CIZ1: variants seen among roughly 807,000 people sequenced by gnomAD.
CIZ1 encodes the protein cip1-interacting zinc finger protein.
Under a neutral mutation model 118.6 loss-of-function variants are expected in CIZ1, and 58 were observed. That is an observed-to-expected ratio of 0.49 (90% confidence interval 0.40 to 0.61). The LOEUF (loss-of-function observed/expected upper bound fraction) is 0.61, where lower values mean the gene tolerates loss of function less well. Among genes scored for constraint, CIZ1 ranks in the 20% least tolerant of loss-of-function variants. The probability of loss-of-function intolerance (pLI) is 0.00; values close to 1 mark genes in which losing one functional copy is unlikely to be tolerated. For missense variants in CIZ1, 921 were observed against 1,115.9 expected (o/e 0.83, Z 2.49); for synonymous variants, 448 against 443.4 (o/e 1.01, Z -0.13).
intron 7 of CIZ1, among the ~76,000 whole-genome samples, chr9:128,179,796 C>T (rs148667359): frequency 4.6e-5 from 7 of 152,086 alleles, no homozygotes; most frequent in East Asian, 1.9e-4. Context: ...CCTCAGCCTC[C>T]GGAGTAGCTG....
At chr9:128,192,755 C>G (rs2131037208), upstream of CIZ1, among the ~76,000 whole-genome samples, 1 of 152,316 alleles carries the variant, frequency 6.6e-6, no homozygotes, top group African/African-American at 2.4e-5. Context: ...GTTGGTCAGG[C>G]TAGTCTCGAA....
chr9:128,188,049 CAAA>C lies in CIZ1; in HGVS notation c.287-118_287-116del, dbSNP rs34003070. On this transcript the variant is annotated intron_variant, in intron 3 of 16. Transcript: ENST00000372938. ...TTCATCCCAGGGTTACTTAAAACAG[CAAA>C]AAAAAAAAAAAAACCCAAAACAAAA... 8 of 22,338 alleles carry C rather than the reference CAAA, an allele frequency of 3.6e-4. No individual in the cohort carries two copies. The East Asian group carries it at 8.2e-3, about 23-fold the overall frequency. The allele number at this position is 22,338 out of a possible 1,614,324, so 1.4% of individuals were successfully genotyped here. A position where few individuals can be genotyped will look rare whatever the true frequency, so the allele number is the denominator to read the frequency against.
intron 5 of CIZ1, among the ~76,000 whole-genome samples, chr9:128,184,061 C>A (rs7040153): frequency 0.33 from 49,840 of 152,144 alleles, 8,630 homozygotes; most frequent in African/African-American, 0.41. Flanking sequence ...AGCCACTGCA[C>A]CCAGCAATTT....
rs779812657 is a variant in CIZ1 at position 128,179,048 on chromosome 9, C to T, written c.1159G>A (p.Gly387Ser). 2 of 1,612,510 alleles carry T rather than the reference C, an allele frequency of 1.2e-6. No individual in the cohort carries two copies. The highest frequency in any genetic ancestry group is 2.2e-5 in the South Asian group (2 of 91,014). ...TGCTGCAGCTGCACCTGCCTTGGGCCCTGTGAATGTGCCTGTGGCTGTACC... is the reference window on the plus strand; with the variant it reads ...TGCTGCAGCTGCACCTGCCTTGGGCTCTGTGAATGTGCCTGTGGCTGTACC... Reference protein sequence around the residue: ...PQVQPQAHSQGPRQVQLQQEA... With the variant: ...PQVQPQAHSQSPRQVQLQQEA... The change falls in exon 8 of 17, where the codon GGC becomes AGC. Residue 387 changes from glycine (G) to serine (S), a missense_variant. Physicochemically the swap from Gly to Ser is moderately conservative, Grantham distance 56. Transcript: ENST00000372938.
At position 128,191,147 on chromosome 9, in the gene CIZ1, C is replaced by T. The variant is rs1015230970; in HGVS notation, c.-6+285G>A. 2 of 513,948 alleles carry T rather than the reference C, an allele frequency of 3.9e-6. No homozygotes were observed. Among genetic ancestry groups the T allele is most frequent in the Non-Finnish European group, 6.9e-6 (2 of 291,920 alleles). The allele number at this position is 513,948 out of a possible 1,614,324, so 31.8% of individuals were successfully genotyped here. A position where few individuals can be genotyped will look rare whatever the true frequency, so the allele number is the denominator to read the frequency against. ...CCCTCCATCTCTCCATTTCTGGCGG[C>T]TCCATCCTCCCACCCTCAGCCTCAG... On this transcript the variant is annotated intron_variant, in intron 1 of 16. Transcript: ENST00000372938. This position sits in a 1 kb window ranked among gnomAD's most constrained non-coding sequence, Gnocchi z 5.5.
In CIZ1 at chr9:128,185,636, C is replaced by A; in HGVS notation, c.499G>T (p.Val167Phe). ...QSLLGPPPVG[V>F]PMNPSQFNLS... ...TTGAACTGGGAAGGGTTCATGGGGA[C>A]CCCAACAGGAGGAGGTCCCAGCAAG... Residue 167 changes from valine to phenylalanine, a missense_variant, in exon 5 of 17, where the codon GTC (valine) becomes TTC (phenylalanine). By Grantham distance (50) the Val-to-Phe change is conservative (BLOSUM62 -1). Coordinates refer to ENST00000372938, the MANE Select transcript of CIZ1 (RefSeq NM_001131016.2). 6.3e-7 allele frequency: 1 copy of A among 1,574,992 alleles called. No homozygotes were observed. Among genetic ancestry groups the A allele is most frequent in the Non-Finnish European group, 8.6e-7 (1 of 1,160,034 alleles).
At chr9:128,180,018 T>C (rs574345884) in intron 7 of CIZ1, among the ~76,000 whole-genome samples, 9 of 152,246 alleles carry the variant, frequency 5.9e-5, no homozygotes, top group Non-Finnish European at 1.2e-4. Context: ...AGGCTGGGGA[T>C]TTGGGCAAAC....
At position 128,177,724 on chromosome 9, in the gene CIZ1, G is replaced by A; in HGVS notation, c.1660C>T (p.Gln554Ter). 1 of 1,607,128 alleles carries A rather than the reference G, an allele frequency of 6.2e-7. No individual in the cohort carries two copies. The highest frequency in any genetic ancestry group is 8.5e-7 in the Non-Finnish European group (1 of 1,176,964). ...CTAAAGGCCCGGCTGTCACTGCTCT[G>A]CAGAATGGTGACCTTCAGGGAGCCC... ...AGGSLKVTIL[Q>*]SSDSRAFSTV... Residue 554 changes from glutamine (Q) to a stop codon, truncating the protein, a stop_gained, in exon 10 of 17, where the codon CAG becomes TAG. Transcript: ENST00000372938. LOFTEE classifies it high-confidence loss of function.
chr9:128,184,742 A>G (rs1832132083), intron 5 of CIZ1, among the ~76,000 whole-genome samples: 1 of 152,042 alleles, frequency 6.6e-6, no homozygotes, highest in Non-Finnish European at 1.5e-5. Context: ...ATCTTGGCTC[A>G]CTGCAAGCTC....
chr9:128,177,528 G>GCGCCCCC, intron 10 of CIZ1, 38 bp downstream of exon 10: 1 of 1,164,646 alleles, frequency 8.6e-7, no homozygotes. Flanking sequence ...TTCCACGCAG[G>GCGCCCCC]CCCCACCCCT....
intron 5 of CIZ1, 130 bp downstream of exon 5, chr9:128,185,417 A>G (rs1158359561): frequency 2.0e-6 from 1 of 502,536 alleles, no homozygotes; most frequent in Non-Finnish European, 3.5e-6. Context: ...CCCTCATTTT[A>G]CAGATGAGGA....
chr9:128,183,876 C>T (rs1338625978), intron 5 of CIZ1, among the ~76,000 whole-genome samples: 1 of 152,128 alleles, frequency 6.6e-6, no homozygotes, highest in Non-Finnish European at 1.5e-5. Context: ...AGTGATTCTC[C>T]TACTTCAGCC....
At chr9:128,188,342 G>GA (rs1832703168) in intron 3 of CIZ1, among the ~76,000 whole-genome samples, 1 of 151,934 alleles carries the variant, frequency 6.6e-6, no homozygotes, top group Non-Finnish European at 1.5e-5. Flanking sequence ...TCTGTGCCTA[G>GA]AAAAAAAATG....
chr9:128,185,292 A>T (rs910712111), intron 5 of CIZ1, among the ~76,000 whole-genome samples: 1 of 152,216 alleles, frequency 6.6e-6, no homozygotes, highest in African/African-American at 2.4e-5. Flanking sequence ...AAACAAACAA[A>T]AAAGAAACAT....
chr9:128,191,885 TG>T, upstream of CIZ1: 7 of 1,448,308 alleles, frequency 4.8e-6, no homozygotes, highest in East Asian at 2.9e-5. The surrounding 1 kb of genome is among the most constrained non-coding windows in gnomAD (Gnocchi z 5.5). Context: ...CCTGCGATCC[TG>T]GGGCCCCGCG....
Position 128,178,854 on chromosome 9 carries a change from C to T in CIZ1, c.1353G>A (p.Ala451=), listed in dbSNP as rs139363037. 5.6e-5 allele frequency: 90 copies of T among 1,614,100 alleles called. No homozygotes were observed. Among genetic ancestry groups the T allele is most frequent in the African/African-American group, 6.7e-5 (5 of 74,926 alleles). The change falls in exon 8 of 17, where the codon GCG becomes GCA. Residue 451 remains alanine (A), a synonymous_variant. Coordinates refer to ENST00000372938, the MANE Select transcript of CIZ1 (RefSeq NM_001131016.2). ...PSVQPQEHPP[A]QVSVQPPEQT... ...GCTCTGGTGGCTGTACTGACACCTG[C>T]GCTGGAGGATGCTCCTGTGGCTGGA...
intron 7 of CIZ1, 67 bp from the exon 8 acceptor site, chr9:128,179,482 C>A: frequency 6.9e-7 from 1 of 1,447,680 alleles, no homozygotes; most frequent in Admixed American, 2.3e-5. Context: ...CCAAGTAAGG[C>A]CAAAACTAGG....
intron 5 of CIZ1, among the ~76,000 whole-genome samples, chr9:128,184,489 ATTT>A (rs35204850): frequency 1.8e-5 from 2 of 112,118 alleles, no homozygotes; most frequent in Non-Finnish European, 1.7e-5. Flanking sequence ...GGCAGTGCTG[ATTT>A]TTTTTTTTTT....
chr9:128,167,590 T>C (rs574136618), intron 14 of CIZ1: 3 of 181,670 alleles, frequency 1.7e-5, no homozygotes, highest in Admixed American at 5.3e-5. Context: ...GGGAACCCTG[T>C]AGGTCTAAGC....
Sources: gnomAD v4.1 joint callset for allele counts (sites outside exome capture counted in the v4.1 genomes callset) on GRCh38, gnomAD v4.1.1 for gene constraint, Gnocchi (gnomAD v3.1) non-coding constraint, MANE v1.5 for transcripts, NCBI Gene and HGNC (gene_info 2026-07-23, HGNC 2026-07-21) for gene names.